The following PRMT3 variants were observed in gnomAD, a reference collection of about 807,000 sequenced individuals.
The protein encoded by PRMT3 is protein arginine N-methyltransferase 3.
A neutral mutation model predicts 71.9 loss-of-function variants in PRMT3; 62 were observed. The observed-to-expected ratio is 0.86, with a 90% CI of 0.70 to 1.07. The LOEUF (loss-of-function observed/expected upper bound fraction) is 1.07. Among genes scored for constraint, PRMT3 ranks in the 50% least tolerant of loss-of-function variants. The probability of loss-of-function intolerance (pLI) is 0.00; values close to 1 mark genes in which losing one functional copy is unlikely to be tolerated. For missense variants in PRMT3, 663 were observed against 643.0 expected, an observed-to-expected ratio of 1.03 and a Z score of -0.34; for synonymous variants, 213 against 220.4, an observed-to-expected ratio of 0.97 and a Z score of 0.30.
chr11:20,465,921 C>T (rs1182056490), intron 13 of PRMT3, among the ~76,000 whole-genome samples: 1 of 151,782 alleles, frequency 6.6e-6, no homozygotes, highest in Non-Finnish European at 1.5e-5. Flanking sequence ...GAAAAAAGAC[C>T]ATCTTGATTA....
At chr11:20,400,409 T>G (rs952441626) in intron 7 of PRMT3, among the ~76,000 whole-genome samples, 3 of 152,216 alleles carry the variant, frequency 2.0e-5, no homozygotes, top group Admixed American at 6.5e-5. Flanking sequence ...AGGGATAGAT[T>G]ACATGAACTT....
chr11:20,431,508 C>G (rs1849654473), intron 10 of PRMT3, among the ~76,000 whole-genome samples: 1 of 152,092 alleles, frequency 6.6e-6, no homozygotes, highest in African/African-American at 2.4e-5. Flanking sequence ...GAGCGAGCTA[C>G]TACACTAGCT....
At chr11:20,414,865 C>CTTT (rs1333887472) in intron 9 of PRMT3, among the ~76,000 whole-genome samples, 1 of 152,132 alleles carries the variant, frequency 6.6e-6, no homozygotes, top group Non-Finnish European at 1.5e-5. Context: ...AGGTGTCCTT[C>CTTT]TCTAGACACA....
At chr11:20,469,769 T>C (rs142013748) in intron 13 of PRMT3, among the ~76,000 whole-genome samples, 12 of 152,324 alleles carry the variant, frequency 7.9e-5, no homozygotes, top group African/African-American at 2.9e-4. Flanking sequence ...TTATTTGATA[T>C]ATCATCTCTT....
intron 10 of PRMT3, among the ~76,000 whole-genome samples, chr11:20,446,800 T>A (rs918631386): frequency 1.3e-5 from 2 of 152,170 alleles, no homozygotes; most frequent in East Asian, 1.9e-4. Context: ...CTACCCATTC[T>A]ATGGCAAATA....
chr11:20,502,948 T>G (rs1326688102), intron 15 of PRMT3, among the ~76,000 whole-genome samples: 1 of 152,264 alleles, frequency 6.6e-6, no homozygotes, highest in East Asian at 1.9e-4. Context: ...ACGTTTTGGT[T>G]GTTGTTTTTC....
At chr11:20,410,905 T>C (rs1311092550) in intron 9 of PRMT3, among the ~76,000 whole-genome samples, 1 of 152,114 alleles carries the variant, frequency 6.6e-6, no homozygotes, top group African/African-American at 2.4e-5. Flanking sequence ...TGCTTTTCCA[T>C]GTACTCAAAT....
At chr11:20,410,109 C>T (rs1427965723) in intron 9 of PRMT3, among the ~76,000 whole-genome samples, 1 of 151,982 alleles carries the variant, frequency 6.6e-6, no homozygotes, top group African/African-American at 2.4e-5. Flanking sequence ...TTTTATTTTA[C>T]AGAAGTCCTG....
At chr11:20,429,887 A>T (rs1849619869) in intron 10 of PRMT3, among the ~76,000 whole-genome samples, 1 of 152,220 alleles carries the variant, frequency 6.6e-6, no homozygotes, top group Non-Finnish European at 1.5e-5. Flanking sequence ...GTGGATTGGA[A>T]ATATCATTTA....
intron 7 of PRMT3, among the ~76,000 whole-genome samples, chr11:20,401,558 G>A (rs6483672): frequency 0.82 from 124,648 of 151,852 alleles, 53,046 homozygotes; most frequent in Non-Finnish European, 0.95. Flanking sequence ...AAAAAACTCA[G>A]TTGGCATAAA....
At chr11:20,477,999 G>A (rs750258834) in intron 13 of PRMT3, among the ~76,000 whole-genome samples, 7 of 152,192 alleles carry the variant, frequency 4.6e-5, no homozygotes, top group African/African-American at 9.7e-5. Flanking sequence ...TCTTGTGACT[G>A]TGGCATTTTT....
At chr11:20,440,152 A>G (rs148875884) in intron 10 of PRMT3, among the ~76,000 whole-genome samples, 1 of 152,360 alleles carries the variant, frequency 6.6e-6, no homozygotes, top group Non-Finnish European at 1.5e-5. Context: ...AAGGGGATAT[A>G]TTTATGACTG....
intron 10 of PRMT3, among the ~76,000 whole-genome samples, chr11:20,431,305 C>T (rs1404938593): frequency 6.6e-6 from 1 of 152,110 alleles, no homozygotes; most frequent in African/African-American, 2.4e-5. Context: ...GGGCATGTTA[C>T]CTCTCTGTGC....
intron 11 of PRMT3, among the ~76,000 whole-genome samples, chr11:20,457,932 T>C (rs1427422878): frequency 6.6e-6 from 1 of 152,218 alleles, no homozygotes; most frequent in Non-Finnish European, 1.5e-5. Context: ...ATATTACAGC[T>C]ATATGTTAGC....
intron 13 of PRMT3, among the ~76,000 whole-genome samples, chr11:20,468,796 A>G (rs1320752150): frequency 3.3e-5 from 5 of 152,254 alleles, no homozygotes; most frequent in African/African-American, 7.2e-5. Flanking sequence ...CATGTATGCT[A>G]TAGACTGATA....
intron 15 of PRMT3, among the ~76,000 whole-genome samples, chr11:20,507,506 T>G (rs1246076328): frequency 6.6e-6 from 1 of 152,262 alleles, no homozygotes; most frequent in East Asian, 1.9e-4. Context: ...CTGGGCGCAG[T>G]GGCTTACGCC....
intron 7 of PRMT3, among the ~76,000 whole-genome samples, chr11:20,398,318 T>G (rs961425352): frequency 6.6e-6 from 1 of 152,202 alleles, no homozygotes; most frequent in Non-Finnish European, 1.5e-5. Flanking sequence ...TGGTGTAAGT[T>G]TTTTACATTT....
chr11:20,486,598 C>G (rs1851077779), intron 13 of PRMT3, among the ~76,000 whole-genome samples: 1 of 151,942 alleles, frequency 6.6e-6, no homozygotes, highest in Non-Finnish European at 1.5e-5. Flanking sequence ...CCTGTATTAG[C>G]CAGGTGCACA....
intron 13 of PRMT3, among the ~76,000 whole-genome samples, chr11:20,482,534 G>A (rs1023636743): frequency 6.6e-6 from 1 of 152,028 alleles, no homozygotes; most frequent in Non-Finnish European, 1.5e-5. Flanking sequence ...TGTCAGAGGG[G>A]TTCTCCCTAG....
Sources: gnomAD v4.1 joint callset for allele counts (sites outside exome capture counted in the v4.1 genomes callset) on GRCh38, gnomAD v4.1.1 for gene constraint, MANE v1.5 for transcripts, NCBI Gene and HGNC (gene_info 2026-07-23, HGNC 2026-07-21) for gene names.